The following ZNF569 variants were observed in gnomAD, a reference collection of about 807,000 sequenced individuals.
ZNF569 encodes DNA-binding protein.
ZNF569 carries 38 observed loss-of-function variants against 56.3 expected under a neutral mutation model. That is an observed-to-expected ratio of 0.68 (90% CI 0.52 to 0.88). The LOEUF is 0.88. Ranked by LOEUF, ZNF569 falls within the 40% of genes least tolerant of loss-of-function variation. The probability of loss-of-function intolerance (pLI) is 0.00; values close to 1 mark genes in which losing one functional copy is unlikely to be tolerated. For missense variants in ZNF569, 666 were observed against 809.2 expected, an observed-to-expected ratio of 0.82 and a Z score of 2.15; for synonymous variants, 241 against 262.9, an observed-to-expected ratio of 0.92 and a Z score of 0.81.
intron 2 of ZNF569, chr19:37,455,079 G>A (rs1449890129): frequency 1.1e-5 from 5 of 475,944 alleles, no homozygotes; most frequent in Non-Finnish European, 1.5e-5. Context: ...CATCCCTAAG[G>A]AGAAACCCAA....
At chr19:37,425,771 A>G in intron 5 of ZNF569, 97 bp downstream of exon 5, 1 of 1,061,362 alleles carries the variant, frequency 9.4e-7, no homozygotes, top group South Asian at 1.5e-5. Flanking sequence ...ACCTCTGAAA[A>G]TATCTTTGAA....
chr19:37,466,150 T>G (rs993009744), intron 1 of ZNF569, among the ~76,000 whole-genome samples: 9 of 152,192 alleles, frequency 5.9e-5, no homozygotes, highest in African/African-American at 2.2e-4. Context: ...TGTAGAACTA[T>G]GAATGATTTT....
intron 5 of ZNF569, among the ~76,000 whole-genome samples, chr19:37,416,281 GGAAAA>G (rs925631075): frequency 1.3e-5 from 2 of 148,834 alleles, no homozygotes; most frequent in Non-Finnish European, 3.0e-5. Context: ...AAAAAAAACA[GGAAAA>G]GAAAATGAAA....
chr19:37,453,193 G>T (rs2041622146), intron 2 of ZNF569, among the ~76,000 whole-genome samples: 5 of 152,172 alleles, frequency 3.3e-5, no homozygotes, highest in Admixed American at 2.6e-4. Flanking sequence ...CCCTGGATGA[G>T]TTAGGGCATC....
chr19:37,418,645 G>A (rs1188428215), intron 5 of ZNF569, among the ~76,000 whole-genome samples: 1 of 152,140 alleles, frequency 6.6e-6, no homozygotes, highest in Non-Finnish European at 1.5e-5. Context: ...CACCATGAAA[G>A]GTGGGAATGA....
At chr19:37,458,401 TAACA>T (rs1288229712) in intron 2 of ZNF569, among the ~76,000 whole-genome samples, 4 of 152,244 alleles carry the variant, frequency 2.6e-5, no homozygotes, top group Non-Finnish European at 5.9e-5. Context: ...CATTGCTCCT[TAACA>T]GTTACTGTAT....
chr19:37,469,112 G>A (rs968418218), upstream of ZNF569: 2 of 1,050,418 alleles, frequency 1.9e-6, no homozygotes, highest in African/African-American at 3.4e-5. Context: ...CCCTGTGACC[G>A]GGCCAGGCTC....
chr19:37,434,560 G>A (rs1009020121), intron 3 of ZNF569, among the ~76,000 whole-genome samples: 2 of 152,082 alleles, frequency 1.3e-5, no homozygotes, highest in African/African-American at 2.4e-5. Flanking sequence ...GTGGAGTGGC[G>A]CAAGCCTGTA....
rs531195166 is a variant in ZNF569 at position 37,415,288 on chromosome 19, G to A, written c.239-869C>T. On this transcript the variant is annotated intron_variant, in intron 5 of 5. Coordinates refer to ENST00000316950, the MANE Select transcript of ZNF569 (RefSeq NM_152484.3). The stretch of plus-strand genomic sequence containing the variant: ...TACTATAAATAAATTAATGAAAAAT[G>A]TCAAGTAATGACATTTGAAAAAATG... Among the ~76,000 whole-genome samples the A allele has an allele frequency of 9.9e-5, 15 of 152,062 alleles. No individual in the cohort carries two copies. The South Asian group carries it at 3.1e-3, about 32-fold the overall frequency.
intron 5 of ZNF569, among the ~76,000 whole-genome samples, chr19:37,420,574 G>A (rs1215641321): frequency 1.3e-5 from 2 of 152,034 alleles, no homozygotes; most frequent in Admixed American, 1.3e-4. Flanking sequence ...CTGCAATCAC[G>A]AGACTGCAGC....
rs753286759 is a variant in ZNF569, at chr19:37,413,684, G to T, written c.974C>A (p.Pro325His). 4 of 1,613,944 alleles carry T rather than the reference G, an allele frequency of 2.5e-6. No individual in the cohort carries two copies. The highest frequency in any genetic ancestry group is 3.4e-6 in the Non-Finnish European group (4 of 1,179,932). ...AHQKVHTGEK[P>H]YACNECGKAF... ...TTTACCACATTCATTACATGCATAA[G>T]GTTTCTCCCCAGTATGAACTTTCTG... Residue 325 changes from proline (P) to histidine (H), a missense_variant, in exon 6 of 6, where the codon CCT (proline) becomes CAT (histidine). Physicochemically the swap from Pro to His is moderately conservative, Grantham distance 77. Coordinates refer to ENST00000316950, the MANE Select transcript of ZNF569 (RefSeq NM_152484.3).
intron 3 of ZNF569, among the ~76,000 whole-genome samples, chr19:37,440,547 T>C (rs547064878): frequency 1.5e-4 from 23 of 152,266 alleles, no homozygotes; most frequent in African/African-American, 5.1e-4. Flanking sequence ...CACTGAATCG[T>C]AGAATGATTA....
chr19:37,419,944 T>C (rs1600293537), intron 5 of ZNF569, among the ~76,000 whole-genome samples: 1 of 150,192 alleles, frequency 6.7e-6, no homozygotes, highest in African/African-American at 2.5e-5. Context: ...GGGGTGGCTG[T>C]AGCAATTTCT....
intron 5 of ZNF569, among the ~76,000 whole-genome samples, chr19:37,423,496 C>G (rs1029876150): frequency 6.6e-6 from 1 of 152,076 alleles, no homozygotes; most frequent in African/African-American, 2.4e-5. Context: ...TGAGAAATAT[C>G]TAAACATAAT....
chr19:37,463,690 TC>T (rs2146981723), intron 2 of ZNF569, among the ~76,000 whole-genome samples: 1 of 152,278 alleles, frequency 6.6e-6, no homozygotes, highest in Admixed American at 6.5e-5. Flanking sequence ...GACATTATTA[TC>T]ACAGGAGATG....
At chr19:37,425,154 T>A (rs1001320358) in intron 5 of ZNF569, among the ~76,000 whole-genome samples, 3 of 151,422 alleles carry the variant, frequency 2.0e-5, no homozygotes, top group South Asian at 2.1e-4. Context: ...TTTCTGAAAA[T>A]ATATATATAT....
At chr19:37,448,932 A>G (rs191121410) in intron 2 of ZNF569, among the ~76,000 whole-genome samples, 1 of 152,276 alleles carries the variant, frequency 6.6e-6, no homozygotes, top group East Asian at 1.9e-4. Flanking sequence ...GCAGAAGTGT[A>G]GTAATGATTT....
chr19:37,412,391 A>C lies in ZNF569; in HGVS notation c.*206T>G. ...ATGCTGATTAAATATTATCAATAAG[A>C]TGTCTGCTGAAAGTTTCTGGTAACA... is the stretch of plus-strand genomic sequence containing the variant. On this transcript the variant is annotated 3_prime_UTR_variant, in exon 6 of 6. Transcript: ENST00000316950. The C allele has an allele frequency of 1.3e-6, 1 of 778,814 alleles. No homozygotes were observed. Among genetic ancestry groups the C allele is most frequent in the Non-Finnish European group, 1.8e-6 (1 of 556,242 alleles). 48.2% of individuals were successfully genotyped at this position (778,814 alleles called of 1,614,324 possible).
At chr19:37,447,167 T>C (rs1023599580) in intron 2 of ZNF569, among the ~76,000 whole-genome samples, 4 of 152,188 alleles carry the variant, frequency 2.6e-5, no homozygotes, top group African/African-American at 7.2e-5. Context: ...GTACAACCAC[T>C]ATGGAAAACA....
Sources: gnomAD v4.1 joint callset for allele counts (sites outside exome capture counted in the v4.1 genomes callset) on GRCh38, gnomAD v4.1.1 for gene constraint, MANE v1.5 for transcripts, NCBI Gene and HGNC (gene_info 2026-07-23, HGNC 2026-07-21) for gene names.